The following WWOX variants were observed in gnomAD, a reference collection of about 807,000 sequenced individuals.
WWOX encodes the protein WW domain containing oxidoreductase, also known as WW domain-containing oxidoreductase.
WWOX carries 69 observed loss-of-function variants against 46.2 expected under a neutral mutation model. The ratio of observed to expected loss-of-function variants is 1.49; its 90% CI spans 1.23 to 1.82. The LOEUF (loss-of-function observed/expected upper bound fraction) is 1.82, where lower values mean the gene tolerates loss of function less well. WWOX is among the 40% of genes most tolerant of loss of function. The pLI is 0.00. For synonymous variants in WWOX, 359 were observed against 202.6 expected (o/e 1.77, Z -6.56); for missense variants, 919 against 542.6 (o/e 1.69, Z -6.89).
chr16:78,185,049 G>A (rs1230899574), intron 5 of WWOX, among the ~76,000 whole-genome samples: 1 of 152,076 alleles, frequency 6.6e-6, no homozygotes, highest in Non-Finnish European at 1.5e-5. Flanking sequence ...AGAGGGATGT[G>A]CTGACCCTCG....
chr16:78,169,662 G>A (rs1043841190), intron 5 of WWOX, among the ~76,000 whole-genome samples: 9 of 151,932 alleles, frequency 5.9e-5, no homozygotes, highest in South Asian at 2.1e-4. Context: ...TTAGATCCCC[G>A]GAACTTGGGA....
In WWOX at chr16:78,493,308, A is replaced by T. The variant is rs1179320136; in HGVS notation, c.1056+60556A>T. On this transcript the variant is annotated intron_variant, in intron 8 of 8. Transcript: ENST00000566780. ...TCTTTATTTAAGACAGGTGGCTAGC[A>T]TTATTTGGGTCCAGAAGCTTCCCTG... is the stretch of plus-strand genomic sequence containing the variant. Among the ~76,000 whole-genome samples, 78 of 152,188 alleles carry T rather than the reference A, an allele frequency of 5.1e-4. 1 individual carries two copies. The highest frequency in any genetic ancestry group is 1.9e-4 in the Non-Finnish European group (13 of 68,028).
chr16:78,536,675 C>T (rs2043766721), intron 8 of WWOX, among the ~76,000 whole-genome samples: 1 of 151,976 alleles, frequency 6.6e-6, no homozygotes, highest in Non-Finnish European at 1.5e-5. Flanking sequence ...GCCGGTTTAG[C>T]CAGCTAAAGT....
intron 8 of WWOX, among the ~76,000 whole-genome samples, chr16:78,833,258 T>A (rs891433077): frequency 6.6e-6 from 1 of 152,058 alleles, no homozygotes; most frequent in Non-Finnish European, 1.5e-5. Context: ...TTTTCTCCAG[T>A]CTGGTCTTGA....
At chr16:78,103,239 G>A (rs1027727274) in intron 1 of WWOX, among the ~76,000 whole-genome samples, 1 of 122,378 alleles carries the variant, frequency 8.2e-6, no homozygotes, top group African/African-American at 2.7e-5. Flanking sequence ...CTCTGGCTCC[G>A]CTGTTTTTTT....
intron 8 of WWOX, among the ~76,000 whole-genome samples, chr16:78,667,504 A>G (rs146395467): frequency 0.037 from 5,630 of 151,832 alleles, 143 homozygotes; most frequent in Non-Finnish European, 0.059. Flanking sequence ...CCCTGTCTCT[A>G]CTAAAAAGTA....
At chr16:78,535,095 T>A (rs1291335542) in intron 8 of WWOX, 1 of 152,424 alleles carries the variant, frequency 6.6e-6, no homozygotes, top group Non-Finnish European at 1.5e-5. Context: ...AAAGCTGGTT[T>A]TATGTCTCCT....
rs201178351 is a variant in WWOX, at chr16:78,164,180, T to C, written c.410-3T>C. ...CTAACATTGACTTTCCTTTAAACCA[T>C]AGGGTTCGAAACCGCCAAGTCTTTT... On this transcript the variant is annotated splice_polypyrimidine_tract_variant and splice_region_variant and intron_variant, in intron 4 of 8. Transcript: ENST00000566780. 3.3e-5 allele frequency: 53 copies of C among 1,613,612 alleles called. No homozygotes were observed. Among genetic ancestry groups the C allele is most frequent in the Admixed American group, 5.0e-5 (3 of 59,948 alleles).
chr16:78,334,849 C>T (rs1405235970), intron 5 of WWOX, among the ~76,000 whole-genome samples: 1 of 127,262 alleles, frequency 7.9e-6, no homozygotes, highest in African/African-American at 3.1e-5. Context: ...CACACACACA[C>T]ACACACAAAA....
chr16:78,402,213 C>T (rs1306821801), intron 6 of WWOX, among the ~76,000 whole-genome samples: 1 of 152,200 alleles, frequency 6.6e-6, no homozygotes, highest in African/African-American at 2.4e-5. Context: ...CTGGACATTT[C>T]ATATGAGTGG....
At chr16:79,138,041 C>G (rs2050017101) in intron 8 of WWOX, among the ~76,000 whole-genome samples, 1 of 152,182 alleles carries the variant, frequency 6.6e-6, no homozygotes, top group Admixed American at 6.5e-5. Context: ...TCCATGGACC[C>G]TGTGGGTTCT....
intron 8 of WWOX, among the ~76,000 whole-genome samples, chr16:79,108,878 G>A (rs575535186): frequency 2.2e-4 from 34 of 151,922 alleles, no homozygotes; most frequent in Admixed American, 5.2e-4. Context: ...TCCAGCATAC[G>A]TGACAGAGCA....
rs556912256 is a variant in WWOX, at chr16:78,440,652, C to T, written c.1056+7900C>T. 7.3e-5 allele frequency among the ~76,000 whole-genome samples: 11 copies of T among 151,256 alleles called. No individual in the cohort carries two copies. The East Asian group carries it at 9.7e-4, about 13-fold the overall frequency. Reference sequence around the variant, plus strand: ...TTTTTTTTGAGACGGAGTGTCTCTCCGTTGCCCGGATTGGAGTGTAGTGGC... The same window carrying T: ...TTTTTTTTGAGACGGAGTGTCTCTCTGTTGCCCGGATTGGAGTGTAGTGGC... On this transcript the variant is annotated intron_variant, in intron 8 of 8. Coordinates refer to ENST00000566780, the MANE Select transcript of WWOX (RefSeq NM_016373.4).
intron 8 of WWOX, among the ~76,000 whole-genome samples, chr16:79,003,334 T>C (rs1389387853): frequency 6.6e-6 from 1 of 152,202 alleles, no homozygotes; most frequent in Non-Finnish European, 1.5e-5. Context: ...ATCTAACATT[T>C]GCTGAGATCC....
chr16:79,103,633 TAAC>T (rs925244829), intron 8 of WWOX, among the ~76,000 whole-genome samples: 4 of 152,316 alleles, frequency 2.6e-5, no homozygotes, highest in African/African-American at 9.6e-5. Context: ...TTTAAGATCT[TAAC>T]AAATCCAGTA....
chr16:78,387,746 T>C (rs1397092289), intron 6 of WWOX, among the ~76,000 whole-genome samples: 3 of 152,192 alleles, frequency 2.0e-5, no homozygotes, highest in African/African-American at 4.8e-5. Flanking sequence ...TCGTTGAACA[T>C]AGAGGTTTGA....
intron 3 of WWOX, among the ~76,000 whole-genome samples, chr16:78,114,569 C>G (rs1486599829): frequency 1.3e-5 from 2 of 152,096 alleles, no homozygotes; most frequent in Non-Finnish European, 2.9e-5. Context: ...TTTTCTACTT[C>G]TCTACGTCTT....
At chr16:78,438,539 G>A (rs9923680) in intron 8 of WWOX, among the ~76,000 whole-genome samples, 3,085 of 151,950 alleles carry the variant, frequency 0.02, 43 homozygotes, top group African/African-American at 0.043. Flanking sequence ...GTCCTTTGTG[G>A]ACCAGTATGC....
At chr16:78,974,368 A>C (rs1475409149) in intron 8 of WWOX, among the ~76,000 whole-genome samples, 1 of 152,172 alleles carries the variant, frequency 6.6e-6, no homozygotes, top group Non-Finnish European at 1.5e-5. Flanking sequence ...TTAATTGAAC[A>C]GTACGTGGGT....
Sources: allele counts gnomAD v4.1 joint callset (sites outside exome capture counted in the v4.1 genomes callset), GRCh38; gene constraint gnomAD v4.1.1; transcripts MANE v1.5; gene names NCBI Gene and HGNC (gene_info 2026-07-23, HGNC 2026-07-21).